The following DSTYK variants were observed in gnomAD, a reference collection of about 807,000 sequenced individuals.
The protein encoded by DSTYK is dual serine/threonine and tyrosine protein kinase.
In DSTYK, 34 loss-of-function variants were observed where a neutral mutation model predicts 98.7. The observed-to-expected ratio is 0.34, with a 90% CI of 0.26 to 0.46. DSTYK has a LOEUF of 0.46. DSTYK is among the 20% of genes least tolerant of loss of function. The pLI, the probability that DSTYK is intolerant of heterozygous loss-of-function variation, is 1.00. For synonymous variants in DSTYK, 462 were observed against 457.3 expected (o/e 1.01, Z -0.13); for missense variants, 962 against 1,181.7 (o/e 0.81, Z 2.73).
intron 2 of DSTYK, among the ~76,000 whole-genome samples, chr1:205,178,235 A>T (rs1159119013): frequency 6.6e-6 from 1 of 152,058 alleles, no homozygotes; most frequent in African/African-American, 2.4e-5. Flanking sequence ...TTCTCAACTC[A>T]TGAGCATGAA....
chr1:205,166,060 A>G (rs1657880391), intron 3 of DSTYK, among the ~76,000 whole-genome samples: 1 of 152,070 alleles, frequency 6.6e-6, no homozygotes, highest in East Asian at 1.9e-4. Flanking sequence ...AACAAAAACA[A>G]ACAGCTTAAA....
At chr1:205,207,755 C>CAAAAAAAAAAAAAAAAAAA (rs766036213) in intron 1 of DSTYK, among the ~76,000 whole-genome samples, 4 of 52,728 alleles carry the variant, frequency 7.6e-5, no homozygotes, top group African/African-American at 2.1e-4. Context: ...GACTCTGTCT[C>CAAAAAAAAAAAAAAAAAAA]AAAAAAAAAA....
At chr1:205,179,545 C>G (rs912479616) in intron 2 of DSTYK, among the ~76,000 whole-genome samples, 1 of 149,316 alleles carries the variant, frequency 6.7e-6, no homozygotes, top group Admixed American at 6.7e-5. Flanking sequence ...GGTGTGAACC[C>G]GGGAGGCAGA....
intron 7 of DSTYK, 129 bp downstream of exon 7, chr1:205,161,129 A>G (rs1398213926): frequency 1.4e-5 from 17 of 1,217,210 alleles, no homozygotes; most frequent in Non-Finnish European, 1.8e-5. Flanking sequence ...GAATTCAAAA[A>G]CATCAGTAAG....
chr1:205,175,242 A>G (rs1321787887), intron 2 of DSTYK, among the ~76,000 whole-genome samples: 1 of 151,870 alleles, frequency 6.6e-6, no homozygotes, highest in Non-Finnish European at 1.5e-5. Flanking sequence ...CTGGGACTAC[A>G]GGCGCACGCC....
At chr1:205,200,194 G>A (rs1425771977) in intron 1 of DSTYK, among the ~76,000 whole-genome samples, 2 of 151,826 alleles carry the variant, frequency 1.3e-5, no homozygotes, top group African/African-American at 4.8e-5. Flanking sequence ...CTACCACCGC[G>A]ACCAGATGAT....
intron 2 of DSTYK, among the ~76,000 whole-genome samples, chr1:205,186,141 G>A (rs1401716333): frequency 6.6e-6 from 1 of 152,200 alleles, no homozygotes; most frequent in Non-Finnish European, 1.5e-5. Flanking sequence ...TGTATGGATG[G>A]ATGAAATACT....
intron 2 of DSTYK, among the ~76,000 whole-genome samples, chr1:205,171,243 G>A (rs994454282): frequency 6.6e-6 from 1 of 151,970 alleles, no homozygotes; most frequent in African/African-American, 2.4e-5. Flanking sequence ...TTGAGGTCAG[G>A]AGTTTGAGAT....
chr1:205,165,156 C>T (rs12124449), intron 3 of DSTYK, among the ~76,000 whole-genome samples: 24,792 of 152,082 alleles, frequency 0.16, 2,776 homozygotes, highest in East Asian at 0.45. Flanking sequence ...TGCAGTGGCA[C>T]GATCTCGGCT....
At chr1:205,197,581 T>C (rs962816238) in intron 1 of DSTYK, among the ~76,000 whole-genome samples, 1 of 151,318 alleles carries the variant, frequency 6.6e-6, no homozygotes, top group African/African-American at 2.4e-5. Flanking sequence ...GATCAAGAGA[T>C]AGGATTTTAC....
At position 205,157,357 on chromosome 1, in the gene DSTYK, C is replaced by T. The variant is rs1657592476; in HGVS notation, c.2268G>A (p.Gln756=). ...KAGLTLETRL[Q]IALDVVEGIR... ...TTCCCTCCACCACATCTAGTGCTAT[C>T]TGCAAACGTGTCTCCAGGGTCAGCC... The change falls in exon 10 of 13, where the codon CAG becomes CAA. Residue 756 remains glutamine, a synonymous_variant. Coordinates refer to ENST00000367162, the MANE Select transcript of DSTYK (RefSeq NM_015375.3). The T allele has an allele frequency of 1.2e-6, 2 of 1,614,168 alleles. No homozygotes were observed. Among genetic ancestry groups the T allele is most frequent in the Non-Finnish European group, 1.7e-6 (2 of 1,180,012 alleles).
chr1:205,193,515 C>T (rs981024967), intron 1 of DSTYK, among the ~76,000 whole-genome samples: 6 of 152,042 alleles, frequency 3.9e-5, no homozygotes, highest in Non-Finnish European at 8.8e-5. Context: ...TGTCTGCCTC[C>T]CCTTTTTCTC....
At chr1:205,167,062 C>A (rs1042590073) in intron 3 of DSTYK, among the ~76,000 whole-genome samples, 3 of 152,148 alleles carry the variant, frequency 2.0e-5, no homozygotes, top group African/African-American at 7.2e-5. Flanking sequence ...AGATGGAATG[C>A]TATGGGATTT....
intron 7 of DSTYK, 50 bp downstream of exon 7, chr1:205,161,208 C>T (rs779055985): frequency 3.3e-5 from 53 of 1,602,570 alleles, no homozygotes; most frequent in Admixed American, 5.1e-5. Context: ...ATAAGAATGT[C>T]AGGTATCCTG....
chr1:205,209,791 C>G (rs1009264050), intron 1 of DSTYK, among the ~76,000 whole-genome samples: 29 of 152,248 alleles, frequency 1.9e-4, no homozygotes, highest in Admixed American at 1.9e-3. Context: ...TCATCCAGTT[C>G]TAAGCCTTGT....
chr1:205,188,212 G>A (rs752305476), intron 1 of DSTYK, among the ~76,000 whole-genome samples: 2 of 152,160 alleles, frequency 1.3e-5, no homozygotes, highest in African/African-American at 2.4e-5. Flanking sequence ...AAGGAGAAAC[G>A]TAACTGAATG....
intron 1 of DSTYK, among the ~76,000 whole-genome samples, chr1:205,188,476 T>C (rs1171217370): frequency 1.3e-5 from 2 of 152,146 alleles, no homozygotes; most frequent in African/African-American, 2.4e-5. Context: ...CTGAATACTA[T>C]AGACAGCTGT....
chr1:205,211,319 C>A lies in DSTYK; in HGVS notation c.217G>T (p.Ala73Ser). Residue 73 changes from alanine to serine, a missense_variant, in exon 1 of 13, where the codon GCC (alanine) becomes TCC (serine). Around this residue, in one of 4 missense-constraint regions of DSTYK, gnomAD observed 168 missense variants for 120.0 expected, o/e 1.40. Coordinates refer to ENST00000367162, the MANE Select transcript of DSTYK (RefSeq NM_015375.3). Reference sequence around the variant, plus strand: ...ACATCGCCTGCAGGGCCGCGCTCGGCCCCGCCGCCGCCCGTGAGGGAGGAG... The same window carrying A: ...ACATCGCCTGCAGGGCCGCGCTCGGACCCGCCGCCGCCCGTGAGGGAGGAG... ...CLSSLTGGGG[A>S]ERGPAGDVAE... The A allele has an allele frequency of 6.2e-7, 1 of 1,610,892 alleles. No individual in the cohort carries two copies. The highest frequency in any genetic ancestry group is 8.5e-7 in the Non-Finnish European group (1 of 1,178,814).
intron 9 of DSTYK, 26 bp from the exon 10 acceptor site, chr1:205,157,412 G>A (rs371890151): frequency 3.8e-6 from 6 of 1,588,336 alleles, no homozygotes; most frequent in Non-Finnish European, 4.3e-6. Context: ...GAGCTTACTT[G>A]TCATGATAAG....
Sources: gnomAD v4.1 joint callset for allele counts (sites outside exome capture counted in the v4.1 genomes callset) on GRCh38, gnomAD v4.1.1 for gene constraint, gnomAD v4.1.1 regional missense constraint, MANE v1.5 for transcripts, NCBI Gene and HGNC (gene_info 2026-07-23, HGNC 2026-07-21) for gene names.